CSMD1: variants seen among roughly 807,000 people sequenced by gnomAD.
CSMD1 encodes CUB and Sushi multiple domains 1.
Under a neutral mutation model 417.5 loss-of-function variants are expected in CSMD1, and 213 were observed. The observed-to-expected ratio is 0.51, with a 90% CI of 0.46 to 0.57. The LOEUF (loss-of-function observed/expected upper bound fraction) is 0.57. CSMD1 is among the 20% of genes least tolerant of loss of function. The pLI, the probability that CSMD1 is intolerant of heterozygous loss-of-function variation, is 0.00. For synonymous variants in CSMD1, 2,862 were observed against 1,736.8 expected, an observed-to-expected ratio of 1.65 and a Z score of -16.11; for missense variants, 6,923 against 4,529.7, an observed-to-expected ratio of 1.53 and a Z score of -15.17.
intron 23 of CSMD1, among the ~76,000 whole-genome samples, chr8:3,325,078 C>A (rs765857860): frequency 6.6e-6 from 1 of 152,086 alleles, no homozygotes; most frequent in Non-Finnish European, 1.5e-5. Context: ...GAATCTGAAT[C>A]GATTTTAGAA....
chr8:3,531,533 G>A (rs1797980682), intron 10 of CSMD1, among the ~76,000 whole-genome samples: 2 of 152,174 alleles, frequency 1.3e-5, no homozygotes, highest in Non-Finnish European at 2.9e-5. Flanking sequence ...GCAGTGAGAG[G>A]GAGGCAGCCA....
At chr8:4,951,843 G>A (rs183928184) in intron 1 of CSMD1, among the ~76,000 whole-genome samples, 1,300 of 76,218 alleles carry the variant, frequency 0.017, 9 homozygotes, top group Middle Eastern at 0.044. Context: ...GATCAACAAA[G>A]TTAATACACT....
At chr8:4,775,945 T>C (rs1242890361) in intron 1 of CSMD1, among the ~76,000 whole-genome samples, 1 of 152,150 alleles carries the variant, frequency 6.6e-6, no homozygotes, top group Non-Finnish European at 1.5e-5. Flanking sequence ...GTCAAGGCAG[T>C]TGGAGTCCAT....
chr8:3,903,640 T>C (rs777986714), intron 5 of CSMD1, among the ~76,000 whole-genome samples: 1 of 152,124 alleles, frequency 6.6e-6, no homozygotes, highest in East Asian at 1.9e-4. Flanking sequence ...TGTCAGAAAA[T>C]AAGGTTCTTG....
intron 1 of CSMD1, among the ~76,000 whole-genome samples, chr8:4,900,743 T>C (rs1804815424): frequency 6.6e-6 from 1 of 152,212 alleles, no homozygotes; most frequent in South Asian, 2.1e-4. Context: ...TAACTTATCC[T>C]TTCATTTTCA....
chr8:4,380,198 C>T (rs1279204628), intron 3 of CSMD1, among the ~76,000 whole-genome samples: 2 of 152,270 alleles, frequency 1.3e-5, no homozygotes, highest in African/African-American at 4.8e-5. Context: ...CCAGTTACTT[C>T]TTTCCAGACT....
At chr8:3,598,000 T>C (rs1801174644) in intron 8 of CSMD1, among the ~76,000 whole-genome samples, 1 of 152,220 alleles carries the variant, frequency 6.6e-6, no homozygotes, top group Non-Finnish European at 1.5e-5. Context: ...AGTTTTTCTT[T>C]GTATATCTCC....
At chr8:3,376,391 C>G (rs577713382) in intron 18 of CSMD1, among the ~76,000 whole-genome samples, 4 of 151,934 alleles carry the variant, frequency 2.6e-5, no homozygotes, top group Non-Finnish European at 5.9e-5. Flanking sequence ...CATGGTGACA[C>G]AGACTTGTTT....
At chr8:4,787,280 G>C (rs951473913) in intron 1 of CSMD1, 6 of 639,660 alleles carry the variant, frequency 9.4e-6, no homozygotes, top group African/African-American at 7.3e-5. Flanking sequence ...CTCTTTTCTA[G>C]AGCTCTGCCT....
chr8:4,290,099 C>T (rs956896787), intron 3 of CSMD1, among the ~76,000 whole-genome samples: 2 of 152,122 alleles, frequency 1.3e-5, no homozygotes, highest in African/African-American at 4.8e-5. Context: ...TACAGATGTG[C>T]AACAAAACCA....
chr8:3,887,148 T>C (rs1000641186), intron 5 of CSMD1, among the ~76,000 whole-genome samples: 6 of 152,122 alleles, frequency 3.9e-5, no homozygotes, highest in Non-Finnish European at 8.8e-5. Flanking sequence ...GTGAGGATGA[T>C]GGCATGCGTA....
At chr8:4,889,186 G>A (rs767055456) in intron 1 of CSMD1, among the ~76,000 whole-genome samples, 2 of 152,106 alleles carry the variant, frequency 1.3e-5, no homozygotes, top group African/African-American at 2.4e-5. Flanking sequence ...AATACTGACA[G>A]ACATGCCCCA....
At chr8:3,922,554 G>T (rs756121419) in intron 5 of CSMD1, among the ~76,000 whole-genome samples, 1 of 151,832 alleles carries the variant, frequency 6.6e-6, no homozygotes, top group Non-Finnish European at 1.5e-5. Flanking sequence ...TAGAGTTTTT[G>T]ATTTTTGTTC....
At chr8:4,435,913 A>G (rs1798123545) in intron 2 of CSMD1, among the ~76,000 whole-genome samples, 1 of 152,224 alleles carries the variant, frequency 6.6e-6, no homozygotes, top group Non-Finnish European at 1.5e-5. Flanking sequence ...GATTTGACGG[A>G]AAATAATTAG....
intron 10 of CSMD1, among the ~76,000 whole-genome samples, chr8:3,516,243 TAA>T (rs1797276860): frequency 6.6e-6 from 1 of 152,218 alleles, no homozygotes; most frequent in East Asian, 1.9e-4. Context: ...TTGCAAAACC[TAA>T]GACTCACCAG....
At chr8:2,999,360 G>T (rs1012583536) in intron 53 of CSMD1, among the ~76,000 whole-genome samples, 6 of 151,930 alleles carry the variant, frequency 3.9e-5, no homozygotes, top group Non-Finnish European at 5.9e-5. Flanking sequence ...TTTGCCATCG[G>T]CCAGGCTCGT....
chr8:4,459,698 C>G (rs1277995007), intron 2 of CSMD1, among the ~76,000 whole-genome samples: 2 of 152,048 alleles, frequency 1.3e-5, no homozygotes, highest in Non-Finnish European at 2.9e-5. Context: ...AATATGGAGC[C>G]CAGAGCAAGT....
chr8:4,706,338 T>A (rs1238350924), intron 1 of CSMD1, among the ~76,000 whole-genome samples: 1 of 152,152 alleles, frequency 6.6e-6, no homozygotes, highest in Admixed American at 6.5e-5. Flanking sequence ...CTTTTCCACA[T>A]AACCCTTCAA....
intron 40 of CSMD1, among the ~76,000 whole-genome samples, chr8:3,145,151 T>G (rs759139277): frequency 1.1e-4 from 17 of 152,042 alleles, no homozygotes; most frequent in Non-Finnish European, 1.5e-4. Flanking sequence ...TTTATAGACA[T>G]TGCTCACATT....
Sources: allele counts gnomAD v4.1 joint callset (sites outside exome capture counted in the v4.1 genomes callset), GRCh38; gene constraint gnomAD v4.1.1; transcripts MANE v1.5; gene names NCBI Gene and HGNC (gene_info 2026-07-23, HGNC 2026-07-21).